The following ARHGAP42 variants were observed in gnomAD, a reference collection of about 807,000 sequenced individuals.
ARHGAP42 encodes the protein rho GTPase-activating protein 42.
Under a neutral mutation model 125.0 loss-of-function variants are expected in ARHGAP42, and 63 were observed. That is an observed-to-expected ratio of 0.50 (90% confidence interval 0.41 to 0.62). The LOEUF is 0.62. Ranked by LOEUF, ARHGAP42 falls within the 20% of genes least tolerant of loss-of-function variation. The probability of loss-of-function intolerance (pLI) is 0.00; values close to 1 mark genes in which losing one functional copy is unlikely to be tolerated. For missense variants in ARHGAP42, 766 were observed against 1,024.2 expected (o/e 0.75, Z 3.44); for synonymous variants, 339 against 351.0 (o/e 0.97, Z 0.38).
At chr11:100,936,157 C>G in intron 7 of ARHGAP42, 46 bp from the exon 8 acceptor site, 1 of 1,545,946 alleles carries the variant, frequency 6.5e-7, no homozygotes, top group Non-Finnish European at 8.7e-7. Flanking sequence ...GTTGCTGAAA[C>G]TTGGTAGAAA....
At chr11:100,914,672 C>G (rs1417836517) in intron 5 of ARHGAP42, among the ~76,000 whole-genome samples, 1 of 152,162 alleles carries the variant, frequency 6.6e-6, no homozygotes, top group Non-Finnish European at 1.5e-5. Context: ...CGTGAGGTCT[C>G]CTTTAGTCTC....
chr11:100,788,054 A>G (rs1230237075), intron 2 of ARHGAP42, among the ~76,000 whole-genome samples: 2 of 152,182 alleles, frequency 1.3e-5, no homozygotes, highest in Non-Finnish European at 2.9e-5. Context: ...TGGACTGTGC[A>G]TTTCTTATTT....
chr11:100,846,932 C>T (rs1260859612), intron 3 of ARHGAP42, among the ~76,000 whole-genome samples: 4 of 152,020 alleles, frequency 2.6e-5, no homozygotes, highest in Non-Finnish European at 4.4e-5. Flanking sequence ...ATGCCAGACC[C>T]CTGTTAACTT....
chr11:100,947,756 T>C (rs891151573), intron 10 of ARHGAP42, among the ~76,000 whole-genome samples: 2 of 151,938 alleles, frequency 1.3e-5, no homozygotes, highest in Non-Finnish European at 2.9e-5. Flanking sequence ...AATTTCCATC[T>C]GAATGTTCTT....
chr11:100,807,839 A>G (rs547085752), intron 3 of ARHGAP42, among the ~76,000 whole-genome samples: 90 of 152,226 alleles, frequency 5.9e-4, no homozygotes, highest in African/African-American at 2.2e-3. Context: ...TTATCTTTGC[A>G]CTTTTGGAAA....
intron 8 of ARHGAP42, among the ~76,000 whole-genome samples, chr11:100,940,863 A>G (rs1442910644): frequency 6.6e-6 from 1 of 152,146 alleles, no homozygotes; most frequent in Non-Finnish European, 1.5e-5. Context: ...TCAGTTGAAC[A>G]TCACATGTTC....
intron 1 of ARHGAP42, among the ~76,000 whole-genome samples, chr11:100,710,934 C>T (rs1161915330): frequency 1.3e-5 from 2 of 152,174 alleles, no homozygotes; most frequent in Non-Finnish European, 2.9e-5. Flanking sequence ...TGCCACACCC[C>T]CTCAGATCAT....
At chr11:100,757,911 G>A (rs1486167855) in intron 1 of ARHGAP42, among the ~76,000 whole-genome samples, 3 of 152,174 alleles carry the variant, frequency 2.0e-5, no homozygotes, top group African/African-American at 7.2e-5. Context: ...ATCCAAGAGA[G>A]TGGTTTATGT....
chr11:100,807,587 T>C (rs2135053745), intron 3 of ARHGAP42, among the ~76,000 whole-genome samples: 1 of 152,334 alleles, frequency 6.6e-6, no homozygotes, highest in South Asian at 2.1e-4. Flanking sequence ...CTCCAGTAAG[T>C]GACCACACTT....
At chr11:100,851,272 A>C (rs1865198396) in intron 3 of ARHGAP42, among the ~76,000 whole-genome samples, 1 of 152,200 alleles carries the variant, frequency 6.6e-6, no homozygotes, top group Non-Finnish European at 1.5e-5. Context: ...TGTTAGCTAT[A>C]AACATTATTT....
chr11:100,876,963 T>A (rs573953935), intron 4 of ARHGAP42, among the ~76,000 whole-genome samples: 3 of 152,332 alleles, frequency 2.0e-5, no homozygotes, highest in African/African-American at 7.2e-5. Flanking sequence ...GTTGGAGAGA[T>A]GACCTCTACA....
At chr11:100,980,496 G>C (rs1188363878) in intron 22 of ARHGAP42, among the ~76,000 whole-genome samples, 1 of 143,724 alleles carries the variant, frequency 7.0e-6, no homozygotes, top group Non-Finnish European at 1.5e-5. Context: ...AAATCAGAAA[G>C]CTATCATATA....
chr11:100,745,804 GTAGTTAA>G (rs1862289884), intron 1 of ARHGAP42, among the ~76,000 whole-genome samples: 1 of 152,296 alleles, frequency 6.6e-6, no homozygotes, highest in East Asian at 1.9e-4. Flanking sequence ...CATCTCTAGT[GTAGTTAA>G]TAGATCGCTT....
chr11:100,781,760 G>T (rs1049909997), intron 2 of ARHGAP42, among the ~76,000 whole-genome samples: 1 of 152,124 alleles, frequency 6.6e-6, no homozygotes, highest in Non-Finnish European at 1.5e-5. Context: ...ACAGATATCT[G>T]TAATTTTAAG....
Position 100,962,481 on chromosome 11 carries a change from C to T in ARHGAP42, c.1444+14C>T. ...TCATTGCTGTTAGTAAGTATACTTG[C>T]ATCATATACACATTATAATTGATGT... On this transcript the variant is annotated intron_variant, in intron 16 of 23. Coordinates refer to ENST00000298815, the MANE Select transcript of ARHGAP42 (RefSeq NM_152432.4). The T allele has an allele frequency of 2.0e-6, 3 of 1,533,676 alleles. No homozygotes were observed. The highest frequency in any genetic ancestry group is 2.7e-6 in the Non-Finnish European group (3 of 1,131,162).
At chr11:100,902,647 G>A (rs1165218599) in intron 4 of ARHGAP42, among the ~76,000 whole-genome samples, 2 of 152,088 alleles carry the variant, frequency 1.3e-5, no homozygotes, top group Non-Finnish European at 2.9e-5. Context: ...AGATCTGGGA[G>A]TATCACCCCT....
At chr11:100,744,908 G>A (rs989546936) in intron 1 of ARHGAP42, among the ~76,000 whole-genome samples, 1 of 152,196 alleles carries the variant, frequency 6.6e-6, no homozygotes, top group African/African-American at 2.4e-5. Flanking sequence ...CTCACACCTG[G>A]ACAAGGGACA....
At chr11:100,930,987 C>A (rs373938425) in intron 6 of ARHGAP42, among the ~76,000 whole-genome samples, 1 of 152,040 alleles carries the variant, frequency 6.6e-6, no homozygotes, top group African/African-American at 2.4e-5. Flanking sequence ...GGGATATTTG[C>A]GTAGACATAA....
At chr11:100,965,550 T>C (rs1858069117) in intron 16 of ARHGAP42, 121 bp from the exon 17 acceptor site, 6 of 817,736 alleles carry the variant, frequency 7.3e-6, no homozygotes, top group Non-Finnish European at 1.2e-5. Flanking sequence ...CAGTACTACA[T>C]GAAGCAATGC....
Sources: gnomAD v4.1 joint callset for allele counts (sites outside exome capture counted in the v4.1 genomes callset) on GRCh38, gnomAD v4.1.1 for gene constraint, MANE v1.5 for transcripts, NCBI Gene and HGNC (gene_info 2026-07-23, HGNC 2026-07-21) for gene names.